NDUFB1: variants seen among roughly 807,000 people sequenced by gnomAD.
The protein encoded by NDUFB1 is NADH dehydrogenase [ubiquinone] 1 beta subcomplex subunit 1.
In NDUFB1, 6 loss-of-function variants were observed where a neutral mutation model predicts 6.7. That is an observed-to-expected ratio of 0.89 (90% CI 0.49 to 1.76). The LOEUF (loss-of-function observed/expected upper bound fraction) is 1.76. Among genes scored for constraint, NDUFB1 ranks in the 40% most tolerant of loss-of-function variants. NDUFB1 has a pLI of 0.01. For synonymous variants in NDUFB1, 17 were observed against 22.9 expected, an observed-to-expected ratio of 0.74 and a Z score of 0.74; for missense variants, 56 against 71.0, an observed-to-expected ratio of 0.79 and a Z score of 0.76.
chr14:92,120,254 G>T (rs113881922), intron 1 of NDUFB1: 1 of 151,928 alleles, frequency 6.6e-6, no homozygotes, highest in Non-Finnish European at 1.5e-5. Flanking sequence ...GCCAACAAAA[G>T]TGCTTAGCAC....
Position 92,121,649 on chromosome 14 carries a change from C to T in NDUFB1, c.-13G>A. ...CGGGCTCCCCAAACCCACCTGCAGC[C>T]TCAGCGCCTACAGCGACCCCGAGAC... On this transcript the variant is annotated 5_prime_UTR_variant, in exon 1 of 3. Coordinates refer to ENST00000605997, the MANE Select transcript of NDUFB1 (RefSeq NM_004545.4). 6.2e-7 allele frequency: 1 copy of T among 1,609,218 alleles called. No homozygotes were observed. Among genetic ancestry groups the T allele is most frequent in the Non-Finnish European group, 8.5e-7 (1 of 1,178,416 alleles).
chr14:92,116,331 CTTTTTT>C, intron 2 of NDUFB1, 102 bp from the exon 3 acceptor site: 69 of 496,734 alleles, frequency 1.4e-4, no homozygotes, highest in Non-Finnish European at 1.6e-4. Context: ...ATTTCATTTT[CTTTTTT>C]TTTTTTTTTT....
intron 1 of NDUFB1, among the ~76,000 whole-genome samples, chr14:92,120,977 T>C (rs925899325): frequency 8.1e-4 from 123 of 151,484 alleles, no homozygotes; most frequent in African/African-American, 2.9e-3. Flanking sequence ...CTGGCCAACA[T>C]AGTGAAACCC....
At chr14:92,116,809 A>G (rs1387192938) in intron 2 of NDUFB1, among the ~76,000 whole-genome samples, 1 of 152,232 alleles carries the variant, frequency 6.6e-6, no homozygotes, top group Non-Finnish European at 1.5e-5. Context: ...ATCTCTGCTC[A>G]GTGAGTTCAT....
At chr14:92,121,619 C>G in intron 1 of NDUFB1, 23 bp downstream of exon 1, 1 of 1,611,248 alleles carries the variant, frequency 6.2e-7, no homozygotes, top group Non-Finnish European at 8.5e-7. Flanking sequence ...GTCGCGGCGG[C>G]CCCCCGGGCT....
intron 1 of NDUFB1, chr14:92,117,935 T>A: frequency 2.8e-6 from 1 of 352,972 alleles, no homozygotes; most frequent in Non-Finnish European, 5.4e-6. Context: ...GAGGCGGAGG[T>A]TGCAGTGAGC....
intron 1 of NDUFB1, 49 bp from the exon 2 acceptor site, chr14:92,117,691 T>G (rs765146585): frequency 3.2e-6 from 5 of 1,574,772 alleles, no homozygotes; most frequent in Non-Finnish European, 1.7e-6. Context: ...GTTTTTTTTT[T>G]GAAATAGCTT....
At chr14:92,119,788 G>C (rs1401492777) in intron 1 of NDUFB1, among the ~76,000 whole-genome samples, 3 of 149,294 alleles carry the variant, frequency 2.0e-5, no homozygotes, top group East Asian at 3.9e-4. Flanking sequence ...TTTTTAAATA[G>C]TCTCGCTCTG....
At position 92,116,248 on chromosome 14, in the gene NDUFB1, A is replaced by G; in HGVS notation, c.141-19T>C. ...CAATTCCCTGTGTGGAAAGCAAAAA[A>G]GGAAGAAATGGAAAAACTGTAAATA... On this transcript the variant is annotated intron_variant, in intron 2 of 2. Coordinates refer to ENST00000605997, the MANE Select transcript of NDUFB1 (RefSeq NM_004545.4). 1 of 1,609,568 alleles carries G rather than the reference A, an allele frequency of 6.2e-7. No individual in the cohort carries two copies. The highest frequency in any genetic ancestry group is 8.5e-7 in the Non-Finnish European group (1 of 1,176,906).
chr14:92,121,415 T>C lies in NDUFB1; in HGVS notation c.-6+227A>G. ...GGTCACATCTCTACGGACGTTTTCC[T>C]GTTATGACAGCCTCAGAAAACCCTT... On this transcript the variant is annotated intron_variant, in intron 1 of 2. Coordinates refer to ENST00000605997, the MANE Select transcript of NDUFB1 (RefSeq NM_004545.4). 6.0e-6 allele frequency: 4 copies of C among 669,932 alleles called. No individual in the cohort carries two copies. The South Asian group carries it at 7.8e-5, about 13-fold the overall frequency. The allele number at this position is 669,932 out of a possible 1,614,324, so 41.5% of individuals were successfully genotyped here.
intron 1 of NDUFB1, 142 bp from the exon 2 acceptor site, chr14:92,117,784 G>T: frequency 1.2e-6 from 1 of 801,690 alleles, no homozygotes; most frequent in Non-Finnish European, 2.0e-6. Context: ...GATCACTTGA[G>T]ATTAGGAGTT....
chr14:92,119,390 A>AT (rs2068737942), intron 1 of NDUFB1, among the ~76,000 whole-genome samples: 4 of 152,148 alleles, frequency 2.6e-5, no homozygotes, highest in Admixed American at 2.6e-4. Flanking sequence ...AATAACTATT[A>AT]TTTACATTTT....
In NDUFB1 at chr14:92,120,877, G is replaced by C. The variant is rs952911902; in HGVS notation, c.-6+765C>G. Among the ~76,000 whole-genome samples the C allele has an allele frequency of 6.0e-5, 9 of 151,200 alleles. No homozygotes were observed. The East Asian group carries it at 1.7e-3, about 28-fold the overall frequency. ...ATACTTTTGTCTTTTAAAAGGCAAGGTGGGCCAGGTGCAGTGGCTCACGCC... is the reference window on the plus strand; with the variant it reads ...ATACTTTTGTCTTTTAAAAGGCAAGCTGGGCCAGGTGCAGTGGCTCACGCC... On this transcript the variant is annotated intron_variant, in intron 1 of 2. Coordinates refer to ENST00000605997, the MANE Select transcript of NDUFB1 (RefSeq NM_004545.4).
chr14:92,121,511 C>G (rs2068763411), intron 1 of NDUFB1, 131 bp downstream of exon 1: 1 of 1,351,706 alleles, frequency 7.4e-7, no homozygotes, highest in African/African-American at 1.5e-5. Context: ...CCGTCACCTT[C>G]GTTCGGAAGC....
chr14:92,116,334 T>TC lies in NDUFB1; in HGVS notation c.141-106_141-105insG, dbSNP rs1555412607. On this transcript the variant is annotated intron_variant, in intron 2 of 2. Coordinates refer to ENST00000605997, the MANE Select transcript of NDUFB1 (RefSeq NM_004545.4). ...AATGATTGCAATATTTCATTTTCTT[T>TC]TTTTTTTTTTTTTTTTTGAGACGAA... 24 of 700,990 alleles carry TC rather than the reference T, an allele frequency of 3.4e-5. No individual in the cohort carries two copies. In the Admixed American group the frequency reaches 5.4e-4, roughly 16 times the overall value. 43.4% of individuals were successfully genotyped at this position (700,990 alleles called of 1,614,324 possible).
chr14:92,117,393 G>C (rs1314411864), intron 2 of NDUFB1, 105 bp downstream of exon 2: 2 of 1,138,886 alleles, frequency 1.8e-6, no homozygotes, highest in African/African-American at 3.1e-5. Context: ...TTGAATCTAA[G>C]TCCTCAAGGG....
At chr14:92,118,307 G>T (rs1475641266) in intron 1 of NDUFB1, 1 of 152,216 alleles carries the variant, frequency 6.6e-6, no homozygotes, top group East Asian at 1.9e-4. Context: ...TGTTGTTTTG[G>T]AACTTTTTTT....
intron 1 of NDUFB1, among the ~76,000 whole-genome samples, chr14:92,119,521 T>G (rs532927373): frequency 1.1e-4 from 17 of 152,286 alleles, no homozygotes; most frequent in African/African-American, 4.1e-4. Context: ...CCTTCCTGAA[T>G]TGATGTTTAT....
Position 92,121,669 on chromosome 14 carries a change from CG to C in NDUFB1, c.-34del. ...GCAGCCTCAGCGCCTACAGCGACCC[CG>C]AGACCAAGGGCAACAGGGAACTCAA... On this transcript the variant is annotated 5_prime_UTR_variant, in exon 1 of 3. Coordinates refer to ENST00000605997, the MANE Select transcript of NDUFB1 (RefSeq NM_004545.4). 6.2e-7 allele frequency: 1 copy of C among 1,613,688 alleles called. No homozygotes were observed. The highest frequency in any genetic ancestry group is 8.5e-7 in the Non-Finnish European group (1 of 1,179,948).
Sources: gnomAD v4.1 joint callset for allele counts (sites outside exome capture counted in the v4.1 genomes callset) on GRCh38, gnomAD v4.1.1 for gene constraint, MANE v1.5 for transcripts, NCBI Gene and HGNC (gene_info 2026-07-23, HGNC 2026-07-21) for gene names.